Variants in IL1RAPL2 observed in about 807,000 individuals in gnomAD.
IL1RAPL2 encodes X-linked interleukin-1 receptor accessory protein-like 2.
Under a neutral mutation model 44.1 loss-of-function variants are expected in IL1RAPL2, and 3 were observed. That is an observed-to-expected ratio of 0.07 (90% CI 0.03 to 0.18). The LOEUF is 0.18. Ranked by LOEUF, IL1RAPL2 falls within the 10% of genes least tolerant of loss-of-function variation. The pLI is 1.00. For missense variants in IL1RAPL2, 391 were observed against 496.4 expected (o/e 0.79, Z 2.02); for synonymous variants, 181 against 178.8 (o/e 1.01, Z -0.10).
At chrX:105,664,807 G>A (rs1218996345) in intron 6 of IL1RAPL2, among the ~76,000 whole-genome samples, 3 of 111,690 alleles carry the variant, frequency 2.7e-5, no homozygotes, top group Non-Finnish European at 5.6e-5. Context: ...GGGAAATCTG[G>A]AAGGATCACA....
At chrX:105,575,152 T>G (rs200686529) in intron 6 of IL1RAPL2, among the ~76,000 whole-genome samples, 5 of 112,068 alleles carry the variant, frequency 4.5e-5, no homozygotes, top group Non-Finnish European at 9.4e-5. Context: ...GCTGTGAGTC[T>G]CTCTTCTTAC....
intron 5 of IL1RAPL2, among the ~76,000 whole-genome samples, chrX:105,289,355 T>C (rs2034595669): frequency 9.0e-6 from 1 of 111,151 alleles, no homozygotes; most frequent in Non-Finnish European, 1.9e-5. Flanking sequence ...AGGCTTGGCA[T>C]GGCCAGGTTT....
chrX:105,276,284 TGTG>T (rs1399100745), intron 5 of IL1RAPL2, among the ~76,000 whole-genome samples: 2 of 111,972 alleles, frequency 1.8e-5, no homozygotes, highest in Admixed American at 1.9e-4. Flanking sequence ...GGCGAATGCC[TGTG>T]GTCCCAGCTA....
At chrX:105,679,556 AC>A (rs1432200271) in intron 6 of IL1RAPL2, among the ~76,000 whole-genome samples, 2 of 112,210 alleles carry the variant, frequency 1.8e-5, no homozygotes, top group Non-Finnish European at 3.8e-5. Flanking sequence ...AAGTGGATGA[AC>A]CAAATGTCTA....
rs13441209 is a variant in IL1RAPL2 at position 105,259,134 on chromosome X, T to C, written c.544-8254T>C. 2.7e-3 allele frequency among the ~76,000 whole-genome samples: 299 copies of C among 111,945 alleles called. 2 individuals are homozygous for C. The highest frequency in any genetic ancestry group is 9.4e-3 in the African/African-American group (290 of 30,870). ...ATGTTTTCACTGGGCTGAGGCTTTG[T>C]GCATGGTCTTTATTTGAAGCTTACT... On this transcript the variant is annotated intron_variant, in intron 4 of 10. Coordinates refer to ENST00000372582, the MANE Select transcript of IL1RAPL2 (RefSeq NM_017416.2).
intron 5 of IL1RAPL2, among the ~76,000 whole-genome samples, chrX:105,329,027 T>C (rs1194355432): frequency 8.9e-6 from 1 of 112,646 alleles, no homozygotes; most frequent in East Asian, 2.8e-4. Context: ...CACAACTCTA[T>C]ATCTGGCAGG....
At chrX:105,425,781 G>A (rs1800625946) in intron 5 of IL1RAPL2, among the ~76,000 whole-genome samples, 1 of 109,324 alleles carries the variant, frequency 9.1e-6, no homozygotes, top group Non-Finnish European at 1.9e-5. Context: ...TGCTATCTCT[G>A]ATGACACCAA....
At chrX:104,761,914 T>C (rs1602715437) in intron 2 of IL1RAPL2, among the ~76,000 whole-genome samples, 2 of 41,900 alleles carry the variant, frequency 4.8e-5, no homozygotes, top group African/African-American at 3.7e-4. Flanking sequence ...TCCTTCTCCT[T>C]CTCCTTCTCC....
chrX:104,713,721 T>C (rs758726464), intron 2 of IL1RAPL2, among the ~76,000 whole-genome samples: 1 of 110,851 alleles, frequency 9.0e-6, no homozygotes, highest in Admixed American at 9.7e-5. Context: ...CAATAGAAGT[T>C]TACTTCTTCT....
intron 6 of IL1RAPL2, among the ~76,000 whole-genome samples, chrX:105,571,907 A>G (rs923525158): frequency 9.0e-6 from 1 of 110,908 alleles, no homozygotes; most frequent in Non-Finnish European, 1.9e-5. Context: ...AAAATTATGT[A>G]TAGGATTAAA....
chrX:105,658,874 A>G (rs752451735), intron 6 of IL1RAPL2, among the ~76,000 whole-genome samples: 1 of 106,886 alleles, frequency 9.4e-6, no homozygotes, highest in African/African-American at 3.4e-5. Context: ...AGGCAGGAGA[A>G]TTGCTTGAAC....
chrX:105,490,919 T>A (rs1489357060), intron 6 of IL1RAPL2, among the ~76,000 whole-genome samples: 3 of 112,160 alleles, frequency 2.7e-5, no homozygotes, highest in African/African-American at 9.7e-5. Flanking sequence ...TCTATATGCT[T>A]AGGCTTTCAC....
rs769147175 is a variant in IL1RAPL2, at chrX:105,740,716, A to G, written c.1048+25A>G. ...GGTATTTATTTTTATAACTATAACT[A>G]TGGTTTGCTTAGCTATCAACAACTA... On this transcript the variant is annotated intron_variant, in intron 8 of 10. Coordinates refer to ENST00000372582, the MANE Select transcript of IL1RAPL2 (RefSeq NM_017416.2). The G allele has an allele frequency of 6.6e-5, 78 of 1,175,332 alleles. No homozygotes were observed. The South Asian group carries it at 9.5e-4, about 14-fold the overall frequency.
chrX:104,842,366 C>T (rs1921931200), intron 2 of IL1RAPL2, among the ~76,000 whole-genome samples: 1 of 110,753 alleles, frequency 9.0e-6, no homozygotes, highest in East Asian at 2.9e-4. Flanking sequence ...TTTATTATTA[C>T]CCACCATCTG....
At chrX:104,829,989 T>C (rs1396450411) in intron 2 of IL1RAPL2, among the ~76,000 whole-genome samples, 2 of 111,466 alleles carry the variant, frequency 1.8e-5, no homozygotes, top group African/African-American at 3.3e-5. Flanking sequence ...TGGTTAAGAG[T>C]AGAGCTGGGA....
intron 6 of IL1RAPL2, among the ~76,000 whole-genome samples, chrX:105,536,892 A>C (rs2036681458): frequency 8.9e-6 from 1 of 111,933 alleles, no homozygotes; most frequent in Non-Finnish European, 1.9e-5. Flanking sequence ...CTATCTGTTC[A>C]TGTGTTTCAC....
intron 6 of IL1RAPL2, among the ~76,000 whole-genome samples, chrX:105,511,829 T>C (rs781373095): frequency 7.1e-5 from 8 of 112,021 alleles, no homozygotes; most frequent in African/African-American, 2.6e-4. Flanking sequence ...TGTTAATATC[T>C]AATGCTCAAC....
At chrX:104,991,180 A>G (rs1356522613) in intron 2 of IL1RAPL2, among the ~76,000 whole-genome samples, 2 of 111,401 alleles carry the variant, frequency 1.8e-5, no homozygotes, top group African/African-American at 6.5e-5. Context: ...TAGACACACT[A>G]CTTTTGGCCC....
chrX:105,728,714 A>C (rs1195125246), intron 7 of IL1RAPL2, among the ~76,000 whole-genome samples: 1 of 111,274 alleles, frequency 9.0e-6, no homozygotes, highest in Non-Finnish European at 1.9e-5. Context: ...ATGAAACACT[A>C]TACATTATTG....
Sources: allele counts gnomAD v4.1 joint callset (sites outside exome capture counted in the v4.1 genomes callset), GRCh38; gene constraint gnomAD v4.1.1; transcripts MANE v1.5; gene names NCBI Gene and HGNC (gene_info 2026-07-23, HGNC 2026-07-21).